The following SDCCAG8 variants were observed in gnomAD, a reference collection of about 807,000 sequenced individuals.
SDCCAG8 encodes serologically defined colon cancer antigen 8.
Under a neutral mutation model 101.8 loss-of-function variants are expected in SDCCAG8, and 74 were observed. The observed-to-expected ratio is 0.73, with a 90% CI of 0.60 to 0.88. The LOEUF (loss-of-function observed/expected upper bound fraction) is 0.88. Ranked by LOEUF, SDCCAG8 falls within the 40% of genes least tolerant of loss-of-function variation. The pLI is 0.00. For synonymous variants in SDCCAG8, 281 were observed against 292.9 expected, an observed-to-expected ratio of 0.96 and a Z score of 0.41; for missense variants, 787 against 822.6, an observed-to-expected ratio of 0.96 and a Z score of 0.53.
rs2080619320 is a variant in SDCCAG8, at chr1:243,416,845, T to C, written c.1744+1016T>C. 6.6e-6 allele frequency among the ~76,000 whole-genome samples: 1 copy of C among 152,222 alleles called. No homozygotes were observed. The highest frequency in any genetic ancestry group is 2.1e-4 in the South Asian group (1 of 4,832). On this transcript the variant is annotated intron_variant, in intron 14 of 17. Transcript: ENST00000366541. This position sits in a 1 kb window ranked among gnomAD's most constrained non-coding sequence, Gnocchi z 4.3. ...TGATCCTGTCTCTTCCAGAAAAATG[T>C]TGCTTAATTTTAGTGCCTTGATTTA...
At chr1:243,270,395 C>T (rs1030334171) in intron 2 of SDCCAG8, 138 bp downstream of exon 2, 13 of 962,530 alleles carry the variant, frequency 1.4e-5, no homozygotes, top group African/African-American at 3.2e-5. Flanking sequence ...TTAATTCCCT[C>T]GCTTAATCTT....
intron 12 of SDCCAG8, among the ~76,000 whole-genome samples, chr1:243,360,792 A>G (rs928126110): frequency 1.3e-5 from 2 of 152,116 alleles, no homozygotes; most frequent in African/African-American, 4.8e-5. Flanking sequence ...ACTGCACTCC[A>G]GCCTGGGCAA....
At chr1:243,476,628 A>G (rs1369955347) in intron 16 of SDCCAG8, among the ~76,000 whole-genome samples, 1 of 152,206 alleles carries the variant, frequency 6.6e-6, no homozygotes, top group African/African-American at 2.4e-5. Flanking sequence ...TGGCAACTGA[A>G]CAGGACCTCC....
intron 13 of SDCCAG8, among the ~76,000 whole-genome samples, chr1:243,381,355 A>G (rs1234852575): frequency 6.6e-6 from 1 of 152,136 alleles, no homozygotes; most frequent in African/African-American, 2.4e-5. Context: ...GTGGGAGGCC[A>G]AGACAGGGGA....
chr1:243,291,841 A>G (rs1418265249), intron 5 of SDCCAG8, among the ~76,000 whole-genome samples: 2 of 152,150 alleles, frequency 1.3e-5, no homozygotes, highest in Non-Finnish European at 2.9e-5. Context: ...CTGCTACTTT[A>G]GATACCAACT....
At chr1:243,337,693 G>T (rs1573399574) in intron 10 of SDCCAG8, among the ~76,000 whole-genome samples, 1 of 152,154 alleles carries the variant, frequency 6.6e-6, no homozygotes, top group East Asian at 1.9e-4. Context: ...CTGACTTACC[G>T]TGGGCATTTA....
At chr1:243,301,727 A>G (rs1053048830) in intron 6 of SDCCAG8, among the ~76,000 whole-genome samples, 2 of 152,200 alleles carry the variant, frequency 1.3e-5, no homozygotes, top group Non-Finnish European at 2.9e-5. Context: ...TCTATAAGAA[A>G]AGCATACCTG....
intron 16 of SDCCAG8, among the ~76,000 whole-genome samples, chr1:243,473,790 T>C (rs1483560262): frequency 6.6e-6 from 1 of 151,976 alleles, no homozygotes; most frequent in African/African-American, 2.4e-5. Context: ...GGAAGGGAAT[T>C]CAAGTCTGAA....
rs1249426399 is a variant in SDCCAG8, at chr1:243,418,883, A to G, written c.1853+807A>G. ...CTGATAAGATGTCAAATACTACTTT[A>G]TATGATAACTCAATGAAAAAATTGC... On this transcript the variant is annotated intron_variant, in intron 15 of 17. Coordinates refer to ENST00000366541, the MANE Select transcript of SDCCAG8 (RefSeq NM_006642.5). Among the ~76,000 whole-genome samples, 6 of 152,222 alleles carry G rather than the reference A, an allele frequency of 3.9e-5. No homozygotes were observed. In the East Asian group the frequency reaches 1.2e-3, roughly 29 times the overall value.
intron 16 of SDCCAG8, among the ~76,000 whole-genome samples, chr1:243,486,554 G>C (rs1312080772): frequency 3.9e-5 from 6 of 152,244 alleles, no homozygotes; most frequent in Non-Finnish European, 7.3e-5. Flanking sequence ...GGTTCTGAGG[G>C]CTCCATAGGA....
chr1:243,283,280 G>A (rs898287551), intron 4 of SDCCAG8, among the ~76,000 whole-genome samples: 3 of 151,828 alleles, frequency 2.0e-5, no homozygotes, highest in Non-Finnish European at 1.5e-5. Context: ...CCTGCTTGGT[G>A]TTCGGTGAGC....
intron 16 of SDCCAG8, among the ~76,000 whole-genome samples, chr1:243,433,639 A>G (rs1407867830): frequency 6.6e-6 from 1 of 152,170 alleles, no homozygotes; most frequent in African/African-American, 2.4e-5. Context: ...TCTGTTTTAT[A>G]TAGACCTAAA....
intron 16 of SDCCAG8, among the ~76,000 whole-genome samples, chr1:243,430,900 G>A (rs12138272): frequency 0.17 from 25,259 of 152,054 alleles, 2,277 homozygotes; most frequent in African/African-American, 0.22. Context: ...CATCGTGTTT[G>A]CTCAAGACCA....
chr1:243,421,623 G>A (rs2081014138), intron 15 of SDCCAG8, among the ~76,000 whole-genome samples: 1 of 152,146 alleles, frequency 6.6e-6, no homozygotes, highest in Non-Finnish European at 1.5e-5. Context: ...TGAATGGCAC[G>A]TCCCATTTTA....
intron 16 of SDCCAG8, among the ~76,000 whole-genome samples, chr1:243,429,221 C>T (rs745834600): frequency 1.3e-5 from 2 of 152,198 alleles, no homozygotes; most frequent in African/African-American, 2.4e-5. Context: ...CAATATATAA[C>T]AGTACAGTAC....
chr1:243,396,154 A>T (rs1431108970), intron 13 of SDCCAG8, among the ~76,000 whole-genome samples: 1 of 152,186 alleles, frequency 6.6e-6, no homozygotes, highest in African/African-American at 2.4e-5. Flanking sequence ...CTAAAATACC[A>T]GTAAATAATT....
chr1:243,260,911 C>A (rs1434494304), intron 1 of SDCCAG8, among the ~76,000 whole-genome samples: 1 of 152,204 alleles, frequency 6.6e-6, no homozygotes, highest in African/African-American at 2.4e-5. Context: ...ACTGCACTTA[C>A]TTTTGCTTTG....
At chr1:243,403,681 C>T (rs948992927) in intron 13 of SDCCAG8, among the ~76,000 whole-genome samples, 4 of 152,070 alleles carry the variant, frequency 2.6e-5, no homozygotes, top group Non-Finnish European at 4.4e-5. Context: ...TTGTAAACTG[C>T]GCATGTGAGG....
intron 6 of SDCCAG8, 86 bp from the exon 7 acceptor site, chr1:243,304,627 A>T: frequency 1.4e-6 from 1 of 733,334 alleles, no homozygotes; most frequent in Non-Finnish European, 2.3e-6. Context: ...AAAAAGAAAA[A>T]AATTGAGTTT....
Sources: gnomAD v4.1 joint callset for allele counts (sites outside exome capture counted in the v4.1 genomes callset) on GRCh38, gnomAD v4.1.1 for gene constraint, Gnocchi (gnomAD v3.1) non-coding constraint, MANE v1.5 for transcripts, NCBI Gene and HGNC (gene_info 2026-07-23, HGNC 2026-07-21) for gene names.